Variants in FUT8 observed in about 807,000 individuals in gnomAD.
FUT8 encodes fucosyltransferase 8.
In FUT8, 29 loss-of-function variants were observed where a neutral mutation model predicts 71.3. That is an observed-to-expected ratio of 0.41 (90% CI 0.30 to 0.55). The LOEUF (loss-of-function observed/expected upper bound fraction) is 0.55, where lower values mean the gene tolerates loss of function less well. FUT8 is among the 20% of genes least tolerant of loss of function. The probability of loss-of-function intolerance (pLI) is 0.34; values close to 1 mark genes in which losing one functional copy is unlikely to be tolerated. For synonymous variants in FUT8, 254 were observed against 239.3 expected (o/e 1.06, Z -0.57); for missense variants, 544 against 702.1 (o/e 0.77, Z 2.55).
intron 8 of FUT8, 55 bp downstream of exon 8, chr14:65,722,076 A>G (rs1309541812): frequency 1.3e-6 from 2 of 1,580,026 alleles, no homozygotes; most frequent in Non-Finnish European, 1.7e-6. Context: ...AGGGTTATGT[A>G]TCTTTACAAT....
At chr14:65,720,372 C>T (rs1895353384) in intron 7 of FUT8, among the ~76,000 whole-genome samples, 1 of 152,230 alleles carries the variant, frequency 6.6e-6, no homozygotes, top group South Asian at 2.1e-4. Context: ...ACTGGGCTCC[C>T]TTCTGGCCCA....
At chr14:65,518,126 G>A (rs1034175581) in intron 2 of FUT8, among the ~76,000 whole-genome samples, 1 of 152,150 alleles carries the variant, frequency 6.6e-6, no homozygotes, top group African/African-American at 2.4e-5. Flanking sequence ...GTTTTTCTAT[G>A]TGTGCAAGCT....
intron 3 of FUT8, among the ~76,000 whole-genome samples, chr14:65,612,279 T>A (rs1889041118): frequency 6.6e-6 from 1 of 152,208 alleles, no homozygotes; most frequent in Admixed American, 6.5e-5. Flanking sequence ...TATTTTGTCT[T>A]TTAATAATTG....
intron 7 of FUT8, among the ~76,000 whole-genome samples, chr14:65,687,953 C>T (rs546432015): frequency 3.3e-5 from 5 of 152,306 alleles, no homozygotes; most frequent in African/African-American, 1.2e-4. Flanking sequence ...TGGTCATGAA[C>T]TCCTGGCTTG....
At chr14:65,552,588 A>G (rs1885350814) in intron 2 of FUT8, among the ~76,000 whole-genome samples, 1 of 152,172 alleles carries the variant, frequency 6.6e-6, no homozygotes, top group East Asian at 1.9e-4. Context: ...GACATAGTAG[A>G]GGATGCTTCC....
chr14:65,572,375 A>G (rs1187511894), intron 3 of FUT8, among the ~76,000 whole-genome samples: 1 of 152,196 alleles, frequency 6.6e-6, no homozygotes, highest in East Asian at 1.9e-4. Context: ...CAGCCCTGTG[A>G]GTAAGTACTC....
intron 7 of FUT8, among the ~76,000 whole-genome samples, chr14:65,697,717 G>A (rs1894066680): frequency 6.6e-6 from 1 of 152,226 alleles, no homozygotes; most frequent in Non-Finnish European, 1.5e-5. Context: ...GCCAAGGCAG[G>A]TGGATCACCT....
rs1891917858 is a variant in FUT8 at position 65,660,721 on chromosome 14, T to G, written c.598-8522T>G. Among the ~76,000 whole-genome samples the G allele has an allele frequency of 6.6e-6, 1 of 152,204 alleles. No homozygotes were observed. Among genetic ancestry groups the G allele is most frequent in the Non-Finnish European group, 1.5e-5 (1 of 68,028 alleles). Reference sequence around the variant, plus strand: ...ATGGAAATATTCTTGTTTAATATGTTAAGGGACAATAATTTCTGGTCTTGG... The same window carrying G: ...ATGGAAATATTCTTGTTTAATATGTGAAGGGACAATAATTTCTGGTCTTGG... On this transcript the variant is annotated intron_variant, in intron 6 of 10. Transcript: ENST00000673929. The surrounding 1 kb of genome is among the most constrained non-coding windows in gnomAD (Gnocchi z 4.1).
rs534925219 is a variant in FUT8, at chr14:65,512,397, C to T, written c.-227-48940C>T. On this transcript the variant is annotated intron_variant, in intron 2 of 10. Coordinates refer to ENST00000673929, the MANE Select transcript of FUT8 (RefSeq NM_001371533.1). ...TCCAGGCAGGTCTTGAACTCCTAGC[C>T]TCAAGAGATCCCCTGCCTTGGCCTC... Among the ~76,000 whole-genome samples, 8 of 152,222 alleles carry T rather than the reference C, an allele frequency of 5.3e-5. No homozygotes were observed. The South Asian group carries it at 1.7e-3, about 32-fold the overall frequency.
intron 2 of FUT8, among the ~76,000 whole-genome samples, chr14:65,477,588 A>C (rs2066265484): frequency 6.6e-6 from 1 of 152,200 alleles, no homozygotes; most frequent in Non-Finnish European, 1.5e-5. Context: ...TCTGACCTGC[A>C]GCTAATCAAG....
At chr14:65,699,973 T>G (rs1894201141) in intron 7 of FUT8, among the ~76,000 whole-genome samples, 1 of 152,236 alleles carries the variant, frequency 6.6e-6, no homozygotes, top group African/African-American at 2.4e-5. Context: ...TTCCTCTTCT[T>G]ATACTTTTCT....
At chr14:65,476,204 T>C (rs1015543263) in intron 2 of FUT8, among the ~76,000 whole-genome samples, 2 of 152,196 alleles carry the variant, frequency 1.3e-5, no homozygotes, top group Non-Finnish European at 2.9e-5. Flanking sequence ...ATGTGACTAG[T>C]GGTTTGTCCA....
At chr14:65,675,885 T>TACTC (rs1160131833) in intron 7 of FUT8, among the ~76,000 whole-genome samples, 1 of 151,244 alleles carries the variant, frequency 6.6e-6, no homozygotes, top group African/African-American at 2.4e-5. Flanking sequence ...TAATCCCAGC[T>TACTC]ACTCAGGAGG....
intron 2 of FUT8, among the ~76,000 whole-genome samples, chr14:65,538,366 A>C (rs1222437188): frequency 6.6e-6 from 1 of 152,090 alleles, no homozygotes; most frequent in Non-Finnish European, 1.5e-5. Context: ...TAGCTCCTGA[A>C]GGGTTTCCAG....
At chr14:65,552,915 C>T (rs962847665) in intron 2 of FUT8, among the ~76,000 whole-genome samples, 4 of 152,164 alleles carry the variant, frequency 2.6e-5, no homozygotes, top group African/African-American at 9.7e-5. Context: ...ACACAGGTAG[C>T]TATTGAGCAA....
the FUT8 span, among the ~76,000 whole-genome samples, chr14:65,368,105 GT>G: frequency 1.4e-5 from 2 of 141,004 alleles, no homozygotes; most frequent in Non-Finnish European, 3.0e-5. Context: ...CCAGGCTGGA[GT>G]GCAGTGGTGC....
chr14:65,543,075 C>A (rs1377065423), intron 2 of FUT8, among the ~76,000 whole-genome samples: 1 of 152,192 alleles, frequency 6.6e-6, no homozygotes, highest in Non-Finnish European at 1.5e-5. Flanking sequence ...AGCCACCGCG[C>A]CTGGCCATGA....
intron 1 of FUT8, among the ~76,000 whole-genome samples, chr14:65,450,243 C>G (rs2065801867): frequency 6.6e-6 from 1 of 152,096 alleles, no homozygotes; most frequent in African/African-American, 2.4e-5. Context: ...TGACTCTGTT[C>G]AATATTACAG....
chr14:65,742,477 A>C lies in FUT8; in HGVS notation c.*67A>C. The C allele has an allele frequency of 1.5e-6, 2 of 1,343,570 alleles. No homozygotes were observed. The highest frequency in any genetic ancestry group is 2.7e-5 in the South Asian group (2 of 73,022). The allele number at this position is 1,343,570 out of a possible 1,614,324, so 83.2% of individuals were successfully genotyped here. ...AAACTCAGTTCAAACCATTTCAGCC[A>C]AACTGTAGATGAAGAGGGCTCTGAT... On this transcript the variant is annotated 3_prime_UTR_variant, in exon 11 of 11. Coordinates refer to ENST00000673929, the MANE Select transcript of FUT8 (RefSeq NM_001371533.1).
Sources: allele counts gnomAD v4.1 joint callset (sites outside exome capture counted in the v4.1 genomes callset), GRCh38; gene constraint gnomAD v4.1.1; non-coding constraint Gnocchi (gnomAD v3.1); transcripts MANE v1.5; gene names NCBI Gene and HGNC (gene_info 2026-07-23, HGNC 2026-07-21).